The following CCDC180 variants were observed in gnomAD, a reference collection of about 807,000 sequenced individuals.
CCDC180 encodes coiled-coil domain containing 180, also known as coiled-coil domain-containing protein 180.
In CCDC180, 154 loss-of-function variants were observed where a neutral mutation model predicts 209.2. That is an observed-to-expected ratio of 0.74 (90% CI 0.65 to 0.84). CCDC180 has a LOEUF of 0.84. CCDC180 is among the 40% of genes least tolerant of loss of function. The pLI is 0.00. For synonymous variants in CCDC180, 778 were observed against 749.1 expected, an observed-to-expected ratio of 1.04 and a Z score of -0.63; for missense variants, 1,874 against 1,997.3, an observed-to-expected ratio of 0.94 and a Z score of 1.18.
At position 97,370,542 on chromosome 9, in the gene CCDC180, G is replaced by T. The variant is rs1476249518; in HGVS notation, c.4351-99G>T. 3 of 1,387,124 alleles carry T rather than the reference G, an allele frequency of 2.2e-6. No homozygotes were observed. The African/African-American group carries it at 4.3e-5, about 20-fold the overall frequency. The allele number at this position is 1,387,124 out of a possible 1,614,324, so 85.9% of individuals were successfully genotyped here. On this transcript the variant is annotated intron_variant, in intron 32 of 36. Transcript: ENST00000529487. Reference sequence around the variant, plus strand: ...ATCACCCCCACACACCCAGGTCAGAGGACATGAGTCTGGCCATAATCATAA... The same window carrying T: ...ATCACCCCCACACACCCAGGTCAGATGACATGAGTCTGGCCATAATCATAA...
chr9:97,348,282 G>T (rs1826331726), intron 20 of CCDC180, among the ~76,000 whole-genome samples: 1 of 152,192 alleles, frequency 6.6e-6, no homozygotes, highest in Non-Finnish European at 1.5e-5. Flanking sequence ...TGTGCAAGTT[G>T]ACAACTGGCC....
At chr9:97,376,705 G>C in intron 36 of CCDC180, 58 bp from the exon 37 acceptor site, 1 of 1,578,468 alleles carries the variant, frequency 6.3e-7, no homozygotes, top group Non-Finnish European at 8.6e-7. Context: ...CATTGCCCTA[G>C]GGGAGAGGGT....
In CCDC180 at chr9:97,366,888, C is replaced by A. The variant is rs1826939208; in HGVS notation, c.4189+188C>A. ...ATTTTACTGGGGAAATGCGACCATG[C>A]AAGAAAAAAGTTCACTTTTCTTGAG... On this transcript the variant is annotated intron_variant, in intron 31 of 36. Coordinates refer to ENST00000529487, the MANE Select transcript of CCDC180 (RefSeq NM_020893.6). This position sits in a 1 kb window ranked among gnomAD's most constrained non-coding sequence, Gnocchi z 4.3. 6.6e-6 allele frequency among the ~76,000 whole-genome samples: 1 copy of A among 152,144 alleles called. No homozygotes were observed. The highest frequency in any genetic ancestry group is 1.5e-5 in the Non-Finnish European group (1 of 68,010).
Position 97,316,533 on chromosome 9 carries a change from A to G in CCDC180, c.796-532A>G, listed in dbSNP as rs150516279. Among the ~76,000 whole-genome samples, 382 of 152,324 alleles carry G rather than the reference A, an allele frequency of 2.5e-3. 1 individual carries two copies. The highest frequency in any genetic ancestry group is 8.7e-3 in the African/African-American group (360 of 41,570). On this transcript the variant is annotated intron_variant, in intron 8 of 36. Transcript: ENST00000529487. ...ATCTAAGCAGGGGCAAGTATGCTAA[A>G]GGGCAAAACAGTGCCATGCAATGGA...
chr9:97,359,450 G>A (rs1826687240), intron 25 of CCDC180, among the ~76,000 whole-genome samples: 1 of 152,186 alleles, frequency 6.6e-6, no homozygotes, highest in African/African-American at 2.4e-5. Context: ...CAAGAGTGAT[G>A]CCTTGAATGT....
intron 36 of CCDC180, chr9:97,376,346 C>G (rs1827258561): frequency 6.2e-6 from 1 of 160,852 alleles, no homozygotes; most frequent in Admixed American, 5.8e-5. Context: ...AGCTTCCCCT[C>G]CAAGCCCCAG....
intron 15 of CCDC180, 82 bp from the exon 16 acceptor site, chr9:97,327,938 G>C: frequency 1.4e-6 from 2 of 1,480,786 alleles, no homozygotes; most frequent in Non-Finnish European, 1.8e-6. Flanking sequence ...ACAGAGTTGT[G>C]TGCCAGATTG....
chr9:97,357,692 A>T lies in CCDC180; in HGVS notation c.3330A>T (p.Ile1110=), dbSNP rs763040450. The change falls in exon 25 of 37, where the codon ATA becomes ATT. Residue 1110 remains isoleucine (I), a synonymous_variant. Transcript: ENST00000529487. The part of the protein sequence containing the change: ...NFSLQQLQNK[I]KTCQESRGEK... ...CTCTGCAACAGCTTCAGAACAAGAT[A>T]AAAACTTGTCAAGAGTCCAGGGGAG... The T allele has an allele frequency of 1.2e-6, 2 of 1,613,522 alleles. No homozygotes were observed. Among genetic ancestry groups the T allele is most frequent in the South Asian group, 2.2e-5 (2 of 90,832 alleles).
At position 97,350,488 on chromosome 9, in the gene CCDC180, C is replaced by T. The variant is rs183800704; in HGVS notation, c.2935C>T (p.Arg979Trp). 4.0e-3 allele frequency: 6,194 copies of T among 1,536,394 alleles called. 20 individuals are homozygous for T. The highest frequency in any genetic ancestry group is 7.3e-3 in the Admixed American group (370 of 51,004). ...CACCCAGGTGTCCCTGCGCAGCTTC[C>T]GGCAGTACTTGGAGGAGAGTCTGGG... ...DVTQVSLRSF[R>W]QYLEESLGKL... Residue 979 changes from arginine (R) to tryptophan (W), a missense_variant, in exon 22 of 37, where the codon CGG (arginine) becomes TGG (tryptophan). Arg to Trp is a moderately radical substitution (Grantham distance 101, BLOSUM62 -3). Transcript: ENST00000529487.
rs562000942 is a variant in CCDC180 at position 97,349,090 on chromosome 9, G to C, written c.2675-21G>C. 98 of 1,528,406 alleles carry C rather than the reference G, an allele frequency of 6.4e-5. 2 individuals are homozygous for C. In the Admixed American group the frequency reaches 1.6e-3, roughly 25 times the overall value. 94.7% of individuals were successfully genotyped at this position (1,528,406 alleles called of 1,614,324 possible). On this transcript the variant is annotated intron_variant, in intron 20 of 36. Coordinates refer to ENST00000529487, the MANE Select transcript of CCDC180 (RefSeq NM_020893.6). The stretch of plus-strand genomic sequence containing the variant: ...GGTGAATCGGGTCCCCGGGGCCCCA[G>C]CTCTCTTAATCCTTTTTCAGCCGAG...
chr9:97,353,969 C>A (rs140113889), intron 22 of CCDC180, among the ~76,000 whole-genome samples: 1 of 151,224 alleles, frequency 6.6e-6, no homozygotes, highest in African/African-American at 2.4e-5. Flanking sequence ...CCAAGCTCCC[C>A]TTCTAGTTTC....
chr9:97,374,377 T>C, intron 34 of CCDC180, 166 bp from the exon 35 acceptor site: 2 of 597,906 alleles, frequency 3.3e-6, no homozygotes, highest in South Asian at 4.0e-5. Context: ...CCCCGAGCTG[T>C]GTGGCTGGTG....
chr9:97,351,587 G>A (rs929974536), intron 22 of CCDC180, among the ~76,000 whole-genome samples: 6 of 152,134 alleles, frequency 3.9e-5, no homozygotes, highest in African/African-American at 1.4e-4. Context: ...GATCATTAGA[G>A]CATAATCAAA....
chr9:97,314,419 A>G lies in CCDC180; in HGVS notation c.486A>G (p.Thr162=). ...AAATGGAACCTCTCATCGTGGACAC[A>G]GGGGGACTTTTTTTGAAGAAGCTGA... is the stretch of plus-strand genomic sequence containing the variant. ...GKEMEPLIVD[T]GGLFLKKLTE... The change falls in exon 6 of 37, where the codon ACA becomes ACG. Residue 162 remains threonine, a synonymous_variant. Transcript: ENST00000529487. 6.2e-7 allele frequency: 1 copy of G among 1,613,972 alleles called. No homozygotes were observed. Among genetic ancestry groups the G allele is most frequent in the East Asian group, 2.2e-5 (1 of 44,874 alleles).
At position 97,362,393 on chromosome 9, in the gene CCDC180, ACT is replaced by A; in HGVS notation, c.3857_3858del (p.Ser1286TrpfsTer44). The A allele has an allele frequency of 9.9e-6, 16 of 1,613,586 alleles. No individual in the cohort carries two copies. The highest frequency in any genetic ancestry group is 1.4e-5 in the Non-Finnish European group (16 of 1,179,892). On this transcript the variant is annotated frameshift_variant, in exon 28 of 37. Coordinates refer to ENST00000529487, the MANE Select transcript of CCDC180 (RefSeq NM_020893.6). LOFTEE classifies it high-confidence loss of function. ...AAGCGACATCGGTGCCAGCCAGAAA[ACT>A]CTGGGAAGAAGGCTGTACCCAGTGC...
rs1202894511 is a variant in CCDC180, at chr9:97,366,167, G to T, written c.4048-392G>T. On this transcript the variant is annotated intron_variant, in intron 30 of 36. Coordinates refer to ENST00000529487, the MANE Select transcript of CCDC180 (RefSeq NM_020893.6). The surrounding 1 kb of genome is among the most constrained non-coding windows in gnomAD (Gnocchi z 4.3). ...GTGCCTTCTCCTGTCTGCCTCCCAC[G>T]GGTCTGTCTGCCTCCTTCAGGGCAG... 6.6e-6 allele frequency among the ~76,000 whole-genome samples: 1 copy of T among 152,222 alleles called. No individual in the cohort carries two copies. The highest frequency in any genetic ancestry group is 2.4e-5 in the African/African-American group (1 of 41,444).
intron 18 of CCDC180, among the ~76,000 whole-genome samples, chr9:97,333,500 T>G (rs1825807021): frequency 7.5e-6 from 1 of 133,828 alleles, no homozygotes; most frequent in Admixed American, 7.5e-5. Context: ...GTCCTGGGTT[T>G]GGGTTTTTTT....
chr9:97,329,200 C>A (rs1048826674), intron 16 of CCDC180, among the ~76,000 whole-genome samples: 1 of 152,190 alleles, frequency 6.6e-6, no homozygotes, highest in African/African-American at 2.4e-5. Context: ...TATAGGATGG[C>A]GAACTTATTG....
Position 97,366,519 on chromosome 9 carries a change from CA to C in CCDC180, c.4048-39del, listed in dbSNP as rs1826924508. 6.2e-7 allele frequency: 1 copy of C among 1,605,428 alleles called. No individual in the cohort carries two copies. Among genetic ancestry groups the C allele is most frequent in the African/African-American group, 1.3e-5 (1 of 74,696 alleles). ...ATCCCAGGAGCAAGGGCCAGAGTCC[CA>C]TGGAGTCCTCACCCGCACATGGTCA... On this transcript the variant is annotated intron_variant, in intron 30 of 36. Transcript: ENST00000529487. The surrounding 1 kb of genome is among the most constrained non-coding windows in gnomAD (Gnocchi z 4.3).
Sources: allele counts gnomAD v4.1 joint callset (sites outside exome capture counted in the v4.1 genomes callset), GRCh38; gene constraint gnomAD v4.1.1; non-coding constraint Gnocchi (gnomAD v3.1); transcripts MANE v1.5; gene names NCBI Gene and HGNC (gene_info 2026-07-23, HGNC 2026-07-21).